DPY19L1: variants seen among roughly 807,000 people sequenced by gnomAD.
DPY19L1 encodes protein C-mannosyl-transferase DPY19L1.
In DPY19L1, 35 loss-of-function variants were observed where a neutral mutation model predicts 96.9. That is an observed-to-expected ratio of 0.36 (90% CI 0.28 to 0.48). The LOEUF (loss-of-function observed/expected upper bound fraction) is 0.48, where lower values mean the gene tolerates loss of function less well. Among genes scored for constraint, DPY19L1 ranks in the 20% least tolerant of loss-of-function variants. The pLI is 0.99. For missense variants in DPY19L1, 521 were observed against 777.9 expected (o/e 0.67, Z 3.93); for synonymous variants, 205 against 252.6 (o/e 0.81, Z 1.79).
chr7:34,967,264 C>G (rs4723391), intron 9 of DPY19L1, among the ~76,000 whole-genome samples: 29,898 of 151,944 alleles, frequency 0.2, 3,312 homozygotes, highest in Admixed American at 0.36. Context: ...TCAACATGTA[C>G]AATTAAAAAG....
intron 7 of DPY19L1, among the ~76,000 whole-genome samples, chr7:34,978,267 C>A (rs1784869733): frequency 6.6e-6 from 1 of 152,112 alleles, no homozygotes; most frequent in Admixed American, 6.5e-5. Flanking sequence ...TTTGCTGGAT[C>A]AATCCTAACT....
In DPY19L1 at chr7:35,026,421, G is replaced by A. The variant is rs577579702; in HGVS notation, c.299-7825C>T. 1.5e-3 allele frequency among the ~76,000 whole-genome samples: 228 copies of A among 152,300 alleles called. 1 individual carries two copies. Among genetic ancestry groups the A allele is most frequent in the African/African-American group, 5.0e-3 (208 of 41,558 alleles). The stretch of plus-strand genomic sequence containing the variant: ...TTCCACATTACTATGTCTGGCATGG[G>A]GGTTGGTGATTGTGCAACCAAGGTA... On this transcript the variant is annotated intron_variant, in intron 1 of 21. Coordinates refer to ENST00000638088, the MANE Select transcript of DPY19L1 (RefSeq NM_001366673.1).
At chr7:34,942,196 G>A (rs1320466566) in intron 17 of DPY19L1, among the ~76,000 whole-genome samples, 1 of 152,108 alleles carries the variant, frequency 6.6e-6, no homozygotes, top group Non-Finnish European at 1.5e-5. Flanking sequence ...TAAAAGAAAT[G>A]ACTGCTGCCT....
intron 3 of DPY19L1, among the ~76,000 whole-genome samples, chr7:35,013,917 C>T (rs1330738127): frequency 6.6e-6 from 1 of 152,086 alleles, no homozygotes; most frequent in African/African-American, 2.4e-5. Context: ...TAACTGAATG[C>T]AAAATAGCTT....
At chr7:35,023,122 AGGACGAAGACACT>A (rs764544478) in intron 1 of DPY19L1, among the ~76,000 whole-genome samples, 5 of 152,226 alleles carry the variant, frequency 3.3e-5, no homozygotes, top group Admixed American at 1.3e-4. Flanking sequence ...GCAGGTGGAA[AGGACGAAGACACT>A]GAACAAACCA....
chr7:34,944,772 G>A (rs1484503570), intron 16 of DPY19L1, among the ~76,000 whole-genome samples: 1 of 152,114 alleles, frequency 6.6e-6, no homozygotes, highest in Non-Finnish European at 1.5e-5. Flanking sequence ...GTATTTCTGT[G>A]AGCATCTCTA....
At chr7:35,012,737 A>T (rs1287214839) in intron 4 of DPY19L1, among the ~76,000 whole-genome samples, 4 of 140,294 alleles carry the variant, frequency 2.9e-5, no homozygotes, top group Non-Finnish European at 6.5e-5. Flanking sequence ...ATAGAAAAAA[A>T]TACATAGACA....
At chr7:35,014,400 A>AG (rs1785790267) in intron 3 of DPY19L1, among the ~76,000 whole-genome samples, 1 of 151,018 alleles carries the variant, frequency 6.6e-6, no homozygotes. Flanking sequence ...ATGTGAGACA[A>AG]AAAAAAAACA....
At chr7:34,960,033 G>A (rs957470852) in intron 10 of DPY19L1, among the ~76,000 whole-genome samples, 4 of 147,384 alleles carry the variant, frequency 2.7e-5, no homozygotes, top group Admixed American at 2.0e-4. Flanking sequence ...TTTGTATTAT[G>A]GTTATTTTCT....
chr7:35,037,641 G>C (rs1049934570), upstream of DPY19L1: 4 of 225,572 alleles, frequency 1.8e-5, no homozygotes, highest in Non-Finnish European at 3.2e-5. Context: ...CCGCCGCTCC[G>C]GTTGTCACGG....
intron 10 of DPY19L1, among the ~76,000 whole-genome samples, chr7:34,960,513 T>C (rs1365038693): frequency 2.0e-5 from 3 of 152,138 alleles, no homozygotes; most frequent in Non-Finnish European, 4.4e-5. Flanking sequence ...TTTCCAGTAG[T>C]AGTTTATTTG....
chr7:34,931,820 CT>C, intron 21 of DPY19L1, 91 bp from the exon 22 acceptor site: 2 of 1,456,030 alleles, frequency 1.4e-6, no homozygotes, highest in Non-Finnish European at 1.8e-6. Flanking sequence ...ACCTCAATTC[CT>C]TTTTTCCCCT....
Position 34,966,772 on chromosome 7 carries a change from T to C in DPY19L1, c.1092+122A>G, listed in dbSNP as rs1037892829. 5 of 975,140 alleles carry C rather than the reference T, an allele frequency of 5.1e-6. No individual in the cohort carries two copies. In the East Asian group the frequency reaches 1.8e-4, roughly 34 times the overall value. The allele number at this position is 975,140 out of a possible 1,614,324, so 60.4% of individuals were successfully genotyped here. A position where few individuals can be genotyped will look rare whatever the true frequency, so the allele number is the denominator to read the frequency against. ...GAGGTCTGTTGATTATATCACAATGTTTGAACAACATTTGTTTTAGTTATG... is the reference window on the plus strand; with the variant it reads ...GAGGTCTGTTGATTATATCACAATGCTTGAACAACATTTGTTTTAGTTATG... On this transcript the variant is annotated intron_variant, in intron 10 of 21. Coordinates refer to ENST00000638088, the MANE Select transcript of DPY19L1 (RefSeq NM_001366673.1).
chr7:35,016,437 T>A (rs1313987019), intron 3 of DPY19L1, among the ~76,000 whole-genome samples: 2 of 152,228 alleles, frequency 1.3e-5, no homozygotes, highest in African/African-American at 4.8e-5. Context: ...AAAGAAAGAA[T>A]AAAGCATCTT....
rs557004487 is a variant in DPY19L1 at position 35,004,749 on chromosome 7, T to C, written c.764+5719A>G. ...GTAAGAAATTTCACACAGCTGTTTC[T>C]TATAAGATCCTCAATATAAACTGAA... is the stretch of plus-strand genomic sequence containing the variant. On this transcript the variant is annotated intron_variant, in intron 6 of 21. Transcript: ENST00000638088. 1.1e-4 allele frequency among the ~76,000 whole-genome samples: 17 copies of C among 152,360 alleles called. No individual in the cohort carries two copies. In the South Asian group the frequency reaches 1.4e-3, roughly 13 times the overall value.
chr7:35,032,226 T>C (rs1156720463), intron 1 of DPY19L1, among the ~76,000 whole-genome samples: 2 of 152,186 alleles, frequency 1.3e-5, no homozygotes, highest in Non-Finnish European at 2.9e-5. Context: ...ACTGTCCCCT[T>C]AGAGGAGATG....
At chr7:35,001,151 C>T (rs747518712) in intron 6 of DPY19L1, among the ~76,000 whole-genome samples, 3 of 152,304 alleles carry the variant, frequency 2.0e-5, no homozygotes, top group South Asian at 2.1e-4. Flanking sequence ...TTTAGAGCCT[C>T]GCACATAAGC....
intron 16 of DPY19L1, among the ~76,000 whole-genome samples, chr7:34,944,896 T>C (rs1784109623): frequency 6.6e-6 from 1 of 152,202 alleles, no homozygotes; most frequent in African/African-American, 2.4e-5. Flanking sequence ...CTTGCAAGCA[T>C]TGGATATACT....
chr7:34,980,648 CAA>C (rs900967066), intron 7 of DPY19L1, among the ~76,000 whole-genome samples: 5 of 152,022 alleles, frequency 3.3e-5, no homozygotes, highest in Admixed American at 2.0e-4. Flanking sequence ...AGGTATTAAA[CAA>C]AAGAGAGTAT....
Sources: allele counts gnomAD v4.1 joint callset (sites outside exome capture counted in the v4.1 genomes callset), GRCh38; gene constraint gnomAD v4.1.1; transcripts MANE v1.5; gene names NCBI Gene and HGNC (gene_info 2026-07-23, HGNC 2026-07-21).